The following TM7SF2 variants were observed in gnomAD, a reference collection of about 807,000 sequenced individuals.
The protein encoded by TM7SF2 is delta(14)-sterol reductase TM7SF2.
In TM7SF2, 51 loss-of-function variants were observed where a neutral mutation model predicts 51.0. The ratio of observed to expected loss-of-function variants is 1.00; its 90% CI spans 0.80 to 1.26. The LOEUF is 1.26. TM7SF2 is among the 50% of genes most tolerant of loss of function. The probability of loss-of-function intolerance (pLI) is 0.00; values close to 1 mark genes in which losing one functional copy is unlikely to be tolerated. For synonymous variants in TM7SF2, 255 were observed against 241.0 expected, an observed-to-expected ratio of 1.06 and a Z score of -0.54; for missense variants, 541 against 547.4, an observed-to-expected ratio of 0.99 and a Z score of 0.12.
chr11:65,112,177 C>A, intron 1 of TM7SF2, 110 bp downstream of exon 1: 1 of 1,179,676 alleles, frequency 8.5e-7, no homozygotes, highest in South Asian at 1.4e-5. Flanking sequence ...TTGGGGGTGT[C>A]GGAGGCAGAG....
Position 65,115,071 on chromosome 11 carries a change from C to T in TM7SF2, c.882C>T (p.Cys294=), listed in dbSNP as rs374474834. The T allele has an allele frequency of 8.1e-6, 13 of 1,613,508 alleles. No homozygotes were observed. The African/African-American group carries it at 1.6e-4, about 20-fold the overall frequency. Residue 294 remains cysteine (C), a synonymous_variant, in exon 7 of 10, where the codon TGC becomes TGT. Coordinates refer to ENST00000279263, the MANE Select transcript of TM7SF2 (RefSeq NM_003273.6). ...GGTTGCCCATGGCCTCTGTCATCTG[C>T]CTCATCAATGGTCAGTCAGGAAGGG... ...PLGLPMASVI[C]LINATGYYIF...
chr11:65,115,336 T>C lies in TM7SF2; in HGVS notation c.915T>C (p.Arg305=). ...LINATGYYIF[R]GANSQKNTFR... ...CAGCTACTGGTTACTACATCTTCCG[T>C]GGGGCGAATTCCCAGAAAAACACTT... The change falls in exon 8 of 10, where the codon CGT becomes CGC. Residue 305 remains arginine, a synonymous_variant. Transcript: ENST00000279263. The C allele has an allele frequency of 6.2e-7, 1 of 1,614,160 alleles. No homozygotes were observed. Among genetic ancestry groups the C allele is most frequent in the South Asian group, 1.1e-5 (1 of 91,088 alleles).
At chr11:65,113,468 A>C in intron 4 of TM7SF2, 23 bp from the exon 5 acceptor site, 1 of 1,614,138 alleles carries the variant, frequency 6.2e-7, no homozygotes, top group Non-Finnish European at 8.5e-7. Flanking sequence ...CTGCCTGTAC[A>C]TTCACTCTCC....
At position 65,116,205 on chromosome 11, in the gene TM7SF2, GA is replaced by G; in HGVS notation, c.*159del. On this transcript the variant is annotated 3_prime_UTR_variant, in exon 10 of 10. Transcript: ENST00000279263. Reference sequence around the variant, plus strand: ...CAGAGAAGAGGTGGTTTAGAGCAAGGAAAAAAATGAAACCAGTGACCAAAAT... The same window carrying G: ...CAGAGAAGAGGTGGTTTAGAGCAAGGAAAAAATGAAACCAGTGACCAAAAT... 8 of 1,232,656 alleles carry G rather than the reference GA, an allele frequency of 6.5e-6. No homozygotes were observed. The highest frequency in any genetic ancestry group is 8.8e-6 in the Non-Finnish European group (8 of 911,198). The allele number at this position is 1,232,656 out of a possible 1,614,324, so 76.4% of individuals were successfully genotyped here.
At chr11:65,115,776 C>T (rs780547087) in intron 9 of TM7SF2, 117 bp from the exon 10 acceptor site, 4 of 1,579,998 alleles carry the variant, frequency 2.5e-6, no homozygotes, top group Non-Finnish European at 3.5e-6. Flanking sequence ...TTGCTGCAGA[C>T]CCTGGCGCTT....
In TM7SF2 at chr11:65,111,963, G is replaced by A; in HGVS notation, c.-53G>A. The A allele has an allele frequency of 6.5e-7, 1 of 1,545,664 alleles. No homozygotes were observed. The highest frequency in any genetic ancestry group is 8.8e-7 in the Non-Finnish European group (1 of 1,139,902). ...TCTCCTGGGAAATGGGGCGGACAGTGTTTCCTTGACTGACTATTGTGAGCG... is the reference window on the plus strand; with the variant it reads ...TCTCCTGGGAAATGGGGCGGACAGTATTTCCTTGACTGACTATTGTGAGCG... On this transcript the variant is annotated 5_prime_UTR_variant, in exon 1 of 10. Coordinates refer to ENST00000279263, the MANE Select transcript of TM7SF2 (RefSeq NM_003273.6).
rs17146681 is a variant in TM7SF2, at chr11:65,113,774, C to T, written c.603+180C>T. The T allele has an allele frequency of 6.2e-3, 3,842 of 622,154 alleles. 115 individuals carry two copies. In the African/African-American group the frequency reaches 0.063, roughly 10 times the overall value. 38.5% of individuals were successfully genotyped at this position (622,154 alleles called of 1,614,324 possible). A position where few individuals can be genotyped will look rare whatever the true frequency, so the allele number is the denominator to read the frequency against. ...TGGGAGACAAAAATAAAGTTAGAGG[C>T]AAAAAAGCATCTTTGCTGCAGAGAG... On this transcript the variant is annotated intron_variant, in intron 5 of 9. Coordinates refer to ENST00000279263, the MANE Select transcript of TM7SF2 (RefSeq NM_003273.6).
rs755478694 is a variant in TM7SF2 at position 65,112,799 on chromosome 11, T to G, written c.250-12T>G. 2.9e-5 allele frequency: 45 copies of G among 1,550,108 alleles called. No individual in the cohort carries two copies. Among genetic ancestry groups the G allele is most frequent in the Non-Finnish European group, 3.9e-5 (45 of 1,146,880 alleles). ...CGCCCCGGGCCTTATCAGAGCCCCCTTGGACCCGCAGGTGGCCGAGGGGCA... is the reference window on the plus strand; with the variant it reads ...CGCCCCGGGCCTTATCAGAGCCCCCGTGGACCCGCAGGTGGCCGAGGGGCA... On this transcript the variant is annotated splice_polypyrimidine_tract_variant and intron_variant, in intron 2 of 9. Coordinates refer to ENST00000279263, the MANE Select transcript of TM7SF2 (RefSeq NM_003273.6).
Position 65,113,197 on chromosome 11 carries a change from G to C in TM7SF2, c.305-23G>C. The C allele has an allele frequency of 1.9e-6, 3 of 1,569,272 alleles. No homozygotes were observed. The South Asian group carries it at 3.4e-5, about 18-fold the overall frequency. On this transcript the variant is annotated intron_variant, in intron 3 of 9. Coordinates refer to ENST00000279263, the MANE Select transcript of TM7SF2 (RefSeq NM_003273.6). ...GGATGTGGAGGCGCGCAGCCCCAGG[G>C]CTCACTGTGCGCTGTGGTTCAGGCT... is the stretch of plus-strand genomic sequence containing the variant.
At chr11:65,114,098 A>G (rs1299426797) in intron 5 of TM7SF2, among the ~76,000 whole-genome samples, 2 of 152,190 alleles carry the variant, frequency 1.3e-5, no homozygotes, top group African/African-American at 4.8e-5. Context: ...CCTGGAAATT[A>G]TCTTACCCGA....
intron 6 of TM7SF2, 24 bp downstream of exon 6, chr11:65,114,856 G>A: frequency 6.2e-7 from 1 of 1,614,206 alleles, no homozygotes; most frequent in South Asian, 1.1e-5. Context: ...GGACGAGGGT[G>A]GGTGTCTGAG....
At chr11:65,114,665 C>T in intron 5 of TM7SF2, 48 bp from the exon 6 acceptor site, 2 of 1,595,626 alleles carry the variant, frequency 1.3e-6, no homozygotes, top group Non-Finnish European at 1.7e-6. Flanking sequence ...CTGCTCTGCC[C>T]AAGGCTGCCA....
Position 65,112,636 on chromosome 11 carries a change from G to C in TM7SF2, c.174G>C (p.Trp58Cys). The C allele has an allele frequency of 6.5e-7, 1 of 1,533,592 alleles. No individual in the cohort carries two copies. The highest frequency in any genetic ancestry group is 1.2e-5 in the South Asian group (1 of 82,860). The allele number at this position is 1,533,592 out of a possible 1,614,324, so 95.0% of individuals were successfully genotyped here. The stretch of plus-strand genomic sequence containing the variant: ...CCCTGCCGGGGCTGGAGGTGCTGTG[G>C]AGCCCACGGGCGCTGCTGCTGTGGC... ...PASLPGLEVL[W>C]SPRALLLWLA... Residue 58 changes from tryptophan to cysteine, a missense_variant, in exon 2 of 10, where the codon TGG (tryptophan) becomes TGC (cysteine). Trp to Cys is a radical substitution (Grantham distance 215). Coordinates refer to ENST00000279263, the MANE Select transcript of TM7SF2 (RefSeq NM_003273.6).
In TM7SF2 at chr11:65,114,895, T is replaced by C. The variant is rs1947956265; in HGVS notation, c.724-18T>C. 1.9e-6 allele frequency: 3 copies of C among 1,614,200 alleles called. No individual in the cohort carries two copies. The highest frequency in any genetic ancestry group is 1.7e-6 in the Non-Finnish European group (2 of 1,179,990). On this transcript the variant is annotated intron_variant, in intron 6 of 9. Coordinates refer to ENST00000279263, the MANE Select transcript of TM7SF2 (RefSeq NM_003273.6). ...CGCATAGGGACTAAGCCAGTGTGTC[T>C]GGGTCTTGTCCCTGCAGGAGGCCGT...
rs368684139 is a variant in TM7SF2, at chr11:65,115,079, A to G, written c.890A>G (p.Asn297Ser). The change falls in exon 7 of 10, where the codon AAT (asparagine) becomes AGT (serine). Residue 297 changes from asparagine to serine, a missense_variant and splice_region_variant. Transcript: ENST00000279263. Reference protein sequence around the residue: ...LPMASVICLINATGYYIFRGA... With the variant: ...LPMASVICLISATGYYIFRGA... ...ATGGCCTCTGTCATCTGCCTCATCA[A>G]TGGTCAGTCAGGAAGGGGCAGCAGG... 3.7e-6 allele frequency: 6 copies of G among 1,613,086 alleles called. No individual in the cohort carries two copies. Among genetic ancestry groups the G allele is most frequent in the South Asian group, 2.2e-5 (2 of 91,074 alleles).
intron 4 of TM7SF2, 34 bp from the exon 5 acceptor site, chr11:65,113,457 T>C: frequency 6.2e-7 from 1 of 1,614,108 alleles, no homozygotes; most frequent in Admixed American, 1.7e-5. Flanking sequence ...GATTGGGGCG[T>C]CTGCCTGTAC....
chr11:65,112,902 G>A (rs768622294), intron 3 of TM7SF2, 37 bp downstream of exon 3: 2 of 1,548,792 alleles, frequency 1.3e-6, no homozygotes, highest in East Asian at 2.4e-5. Flanking sequence ...GGAGTTAAGC[G>A]GCCGGGGGTG....
Position 65,113,602 on chromosome 11 carries a change from G to A in TM7SF2, c.603+8G>A. On this transcript the variant is annotated splice_region_variant and intron_variant, in intron 5 of 9. Coordinates refer to ENST00000279263, the MANE Select transcript of TM7SF2 (RefSeq NM_003273.6). Reference sequence around the variant, plus strand: ...CCCGGCCTCATCGGCTGGGTATGTTGGGCTTGACTGAGCTGGCCTCAGGCC... The same window carrying A: ...CCCGGCCTCATCGGCTGGGTATGTTAGGCTTGACTGAGCTGGCCTCAGGCC... 6.2e-7 allele frequency: 1 copy of A among 1,613,246 alleles called. No homozygotes were observed. Among genetic ancestry groups the A allele is most frequent in the Non-Finnish European group, 8.5e-7 (1 of 1,179,596 alleles).
intron 7 of TM7SF2, 26 bp downstream of exon 7, chr11:65,115,107 G>A: frequency 3.1e-6 from 5 of 1,609,120 alleles, no homozygotes; most frequent in Non-Finnish European, 4.2e-6. Context: ...GCAGCAGGCT[G>A]GGCCCATCTT....
Sources: allele counts gnomAD v4.1 joint callset (sites outside exome capture counted in the v4.1 genomes callset), GRCh38; gene constraint gnomAD v4.1.1; transcripts MANE v1.5; gene names NCBI Gene and HGNC (gene_info 2026-07-23, HGNC 2026-07-21).